PBX3: variants seen among roughly 807,000 people sequenced by gnomAD.
The protein encoded by PBX3 is pre-B-cell leukemia transcription factor 3.
Under a neutral mutation model 48.5 loss-of-function variants are expected in PBX3, and 14 were observed. The observed-to-expected ratio is 0.29, with a 90% confidence interval of 0.19 to 0.45. The LOEUF (loss-of-function observed/expected upper bound fraction) is 0.45, where lower values mean the gene tolerates loss of function less well. PBX3 is among the 20% of genes least tolerant of loss of function. The probability of loss-of-function intolerance (pLI) is 1.00; values close to 1 mark genes in which losing one functional copy is unlikely to be tolerated. For missense variants in PBX3, 386 were observed against 546.7 expected (o/e 0.71, Z 2.93); for synonymous variants, 210 against 200.3 (o/e 1.05, Z -0.41).
chr9:125,821,937 A>C (rs1472329821), intron 2 of PBX3, among the ~76,000 whole-genome samples: 1 of 152,112 alleles, frequency 6.6e-6, no homozygotes, highest in East Asian at 1.9e-4. Context: ...TGAATTGATT[A>C]TGTTAGAATA....
At chr9:125,857,607 A>G (rs1839755928) in intron 2 of PBX3, among the ~76,000 whole-genome samples, 1 of 152,184 alleles carries the variant, frequency 6.6e-6, no homozygotes, top group Non-Finnish European at 1.5e-5. Context: ...AAGAAGTGAT[A>G]TTATCTTTAT....
At chr9:125,949,445 G>A in intron 5 of PBX3, 1 of 1,550,660 alleles carries the variant, frequency 6.4e-7, no homozygotes, top group Non-Finnish European at 8.7e-7. Flanking sequence ...AGCGTGGTAA[G>A]TATTCACAGG....
chr9:125,899,456 G>T (rs10987010), intron 2 of PBX3, among the ~76,000 whole-genome samples: 12,978 of 35,968 alleles, frequency 0.36, 1,210 homozygotes, highest in Middle Eastern at 0.44. Context: ...TATATATATA[G>T]AGAGAGAGAG....
chr9:125,839,130 T>A (rs1190590232), intron 2 of PBX3, among the ~76,000 whole-genome samples: 1 of 152,232 alleles, frequency 6.6e-6, no homozygotes, highest in Non-Finnish European at 1.5e-5. Context: ...GTTTTACTTC[T>A]AAAATTTCTA....
At chr9:125,927,694 C>G (rs1396164663) in intron 3 of PBX3, among the ~76,000 whole-genome samples, 1 of 152,110 alleles carries the variant, frequency 6.6e-6, no homozygotes, top group African/African-American at 2.4e-5. Flanking sequence ...ATTTACCAGG[C>G]AGTACTGGAT....
At chr9:125,881,055 C>T (rs1436762081) in intron 2 of PBX3, among the ~76,000 whole-genome samples, 2 of 152,188 alleles carry the variant, frequency 1.3e-5, no homozygotes, top group Non-Finnish European at 2.9e-5. Context: ...TTCACTTTGA[C>T]AGGAAATTCT....
At chr9:125,758,478 A>G (rs1208775853) in intron 2 of PBX3, among the ~76,000 whole-genome samples, 1 of 152,224 alleles carries the variant, frequency 6.6e-6, no homozygotes, top group African/African-American at 2.4e-5. Flanking sequence ...GTTTTCGTTT[A>G]GATGACTGAT....
At position 125,759,539 on chromosome 9, in the gene PBX3, A is replaced by G. The variant is rs998418508; in HGVS notation, c.274+10916A>G. Among the ~76,000 whole-genome samples the G allele has an allele frequency of 5.9e-5, 9 of 152,230 alleles. No homozygotes were observed. The highest frequency in any genetic ancestry group is 1.4e-4 in the African/African-American group (6 of 41,468). On this transcript the variant is annotated intron_variant, in intron 2 of 8. Transcript: ENST00000373489. The surrounding 1 kb of genome is among the most constrained non-coding windows in gnomAD (Gnocchi z 4.2). ...GAAAGAAAAAGAACTGTAATCGCAC[A>G]TTTACATATGCTTCTAATTGTTGAT... is the stretch of plus-strand genomic sequence containing the variant.
At position 125,747,599 on chromosome 9, in the gene PBX3, T is replaced by G; in HGVS notation, c.146T>G (p.Ile49Ser). The G allele has an allele frequency of 1.9e-6, 3 of 1,607,770 alleles. No homozygotes were observed. Among genetic ancestry groups the G allele is most frequent in the Non-Finnish European group, 2.5e-6 (3 of 1,177,160 alleles). The change falls in exon 1 of 9, where the codon ATC becomes AGC. Residue 49 changes from isoleucine (I) to serine (S), a missense_variant. By Grantham distance (142) the Ile-to-Ser change is moderately radical (BLOSUM62 -2). This residue lies in a region of PBX3 where 116 missense variants were observed against 98.2 expected (regional missense o/e 1.18). Transcript: ENST00000373489. ...GGCAGGAAGCAGGACATCGGCGACA[T>G]CCTCCACCAGATCATGACCATCACC... ...GDGRKQDIGD[I>S]LHQIMTITDQ...
At chr9:125,916,813 A>C (rs1453236564) in intron 3 of PBX3, among the ~76,000 whole-genome samples, 4 of 152,218 alleles carry the variant, frequency 2.6e-5, no homozygotes, top group Admixed American at 6.5e-5. Context: ...TCATTTGATA[A>C]GATTTGTCAT....
rs535842123 is a variant in PBX3 at position 125,841,562 on chromosome 9, G to A, written c.275-74124G>A. On this transcript the variant is annotated intron_variant, in intron 2 of 8. Coordinates refer to ENST00000373489, the MANE Select transcript of PBX3 (RefSeq NM_006195.6). ...CTTTTTGCTATTTCATCCCTGGAGT[G>A]TTGTCTTACCCCAGTTTATTCAGTG... Among the ~76,000 whole-genome samples, 29 of 152,274 alleles carry A rather than the reference G, an allele frequency of 1.9e-4. No homozygotes were observed. In the South Asian group the frequency reaches 5.0e-3, roughly 26 times the overall value.
intron 2 of PBX3, among the ~76,000 whole-genome samples, chr9:125,904,658 A>C (rs1463915893): frequency 6.6e-6 from 1 of 151,862 alleles, no homozygotes; most frequent in Non-Finnish European, 1.5e-5. Flanking sequence ...AAGGTCAGCA[A>C]ATCCCATCAA....
intron 2 of PBX3, among the ~76,000 whole-genome samples, chr9:125,896,810 T>C (rs1305724467): frequency 6.6e-6 from 1 of 152,008 alleles, no homozygotes; most frequent in Non-Finnish European, 1.5e-5. Context: ...CTCCATTAGA[T>C]GTTTGTGAAC....
intron 2 of PBX3, among the ~76,000 whole-genome samples, chr9:125,810,724 TATGACACAGAGCCAGCCAATCAG>T (rs1303187768): frequency 6.6e-6 from 1 of 152,182 alleles, no homozygotes; most frequent in Non-Finnish European, 1.5e-5. Flanking sequence ...AGCTCAGGCA[TATGACACAGAGCCAGCCAATCAG>T]ATGCAGTCAC....
intron 2 of PBX3, among the ~76,000 whole-genome samples, chr9:125,907,714 T>C (rs150901412): frequency 6.6e-6 from 1 of 152,234 alleles, no homozygotes; most frequent in African/African-American, 2.4e-5. Flanking sequence ...GTAATTTATT[T>C]GTGTTATAGT....
At chr9:125,945,284 A>G (rs1842042968) in intron 5 of PBX3, among the ~76,000 whole-genome samples, 1 of 152,112 alleles carries the variant, frequency 6.6e-6, no homozygotes, top group Non-Finnish European at 1.5e-5. Flanking sequence ...CAGTAAGATA[A>G]AGCACGTGTA....
At chr9:125,941,246 G>C (rs911671074) in intron 5 of PBX3, among the ~76,000 whole-genome samples, 23 of 152,316 alleles carry the variant, frequency 1.5e-4, no homozygotes, top group African/African-American at 5.3e-4. Context: ...CAAGTACGGA[G>C]GCCCTGAGGT....
At chr9:125,788,564 T>C (rs150170171) in intron 2 of PBX3, among the ~76,000 whole-genome samples, 5 of 152,300 alleles carry the variant, frequency 3.3e-5, no homozygotes, top group Admixed American at 6.5e-5. Flanking sequence ...AATAAAATAT[T>C]ACAGATGTAA....
At chr9:125,882,452 T>C (rs1840404375) in intron 2 of PBX3, among the ~76,000 whole-genome samples, 1 of 152,224 alleles carries the variant, frequency 6.6e-6, no homozygotes, top group Non-Finnish European at 1.5e-5. Flanking sequence ...TTCTCTGGTT[T>C]TGTAGTTTCA....
Sources: gnomAD v4.1 joint callset for allele counts (sites outside exome capture counted in the v4.1 genomes callset) on GRCh38, gnomAD v4.1.1 for gene constraint, gnomAD v4.1.1 regional missense constraint, Gnocchi (gnomAD v3.1) non-coding constraint, MANE v1.5 for transcripts, NCBI Gene and HGNC (gene_info 2026-07-23, HGNC 2026-07-21) for gene names.